ADK: variants seen among roughly 807,000 people sequenced by gnomAD.
ADK encodes N6,N6-dimethyladenosine kinase.
Under a neutral mutation model 44.7 loss-of-function variants are expected in ADK, and 24 were observed. The observed-to-expected ratio is 0.54, with a 90% CI of 0.39 to 0.76. The LOEUF (loss-of-function observed/expected upper bound fraction) is 0.76, where lower values mean the gene tolerates loss of function less well. Among genes scored for constraint, ADK ranks in the 30% least tolerant of loss-of-function variants. The pLI is 0.00. For synonymous variants in ADK, 128 were observed against 142.6 expected (o/e 0.90, Z 0.73); for missense variants, 321 against 425.1 (o/e 0.76, Z 2.15).
At chr10:74,702,190 A>ATT (rs750202264) in intron 10 of ADK, among the ~76,000 whole-genome samples, 4 of 139,578 alleles carry the variant, frequency 2.9e-5, no homozygotes, top group African/African-American at 5.2e-5. Flanking sequence ...TATTTATGTG[A>ATT]TTTTTTTTTT....
At position 74,280,867 on chromosome 10, in the gene ADK, A is replaced by G. The variant is rs1306885018; in HGVS notation, c.195-33800A>G. On this transcript the variant is annotated intron_variant, in intron 3 of 10. Transcript: ENST00000539909. ...TTTGGTTTTACTGAAAGTTTGACAC[A>G]TATTTTGAATTGTAGTTATTTTGTC... Among the ~76,000 whole-genome samples the G allele has an allele frequency of 2.0e-5, 3 of 152,194 alleles. No homozygotes were observed. The South Asian group carries it at 6.2e-4, about 32-fold the overall frequency.
At chr10:74,566,547 T>C (rs892815757) in intron 7 of ADK, among the ~76,000 whole-genome samples, 2 of 152,196 alleles carry the variant, frequency 1.3e-5, no homozygotes, top group African/African-American at 4.8e-5. Context: ...CTTATCTATT[T>C]ATGGTTTTTG....
intron 3 of ADK, among the ~76,000 whole-genome samples, chr10:74,294,892 G>C (rs1217328028): frequency 6.6e-6 from 1 of 151,908 alleles, no homozygotes; most frequent in African/African-American, 2.4e-5. Flanking sequence ...GTCTTGCTCC[G>C]TTGCTCAGGC....
chr10:74,547,452 T>A (rs879593862), intron 7 of ADK, among the ~76,000 whole-genome samples: 31 of 130,914 alleles, frequency 2.4e-4, no homozygotes, highest in African/African-American at 9.8e-4. Context: ...ATATATTTAT[T>A]TATTTATTTA....
At chr10:74,300,354 CCTTCCTTTCTTT>C (rs1839986118) in intron 3 of ADK, among the ~76,000 whole-genome samples, 6 of 66,386 alleles carry the variant, frequency 9.0e-5, no homozygotes, top group Admixed American at 1.7e-4. Context: ...TTCCTTCCTT[CCTTCCTTTCTTT>C]CTTTCTTCTT....
At chr10:74,396,916 T>C (rs145399533) in intron 5 of ADK, among the ~76,000 whole-genome samples, 2 of 151,916 alleles carry the variant, frequency 1.3e-5, no homozygotes, top group African/African-American at 4.8e-5. Context: ...GACGGAGCCA[T>C]TGCTCTTCTC....
chr10:74,151,417 C>T (rs990241395), intron 1 of ADK, 74 bp downstream of exon 1: 2 of 1,474,444 alleles, frequency 1.4e-6, no homozygotes, highest in African/African-American at 2.8e-5. Flanking sequence ...GGTTGCACGG[C>T]CCCGACGCTG....
At chr10:74,302,109 G>GT (rs1172807289) in intron 3 of ADK, among the ~76,000 whole-genome samples, 6 of 13,038 alleles carry the variant, frequency 4.6e-4, no homozygotes, top group Admixed American at 1.1e-3. Context: ...TTGTTTGTTT[G>GT]TTTTTTTTTT....
At chr10:74,214,810 G>C (rs1175188816) in intron 2 of ADK, among the ~76,000 whole-genome samples, 2 of 152,210 alleles carry the variant, frequency 1.3e-5, no homozygotes, top group Admixed American at 6.5e-5. Flanking sequence ...AGAGGGGGCA[G>C]GGATGAGTAT....
intron 6 of ADK, among the ~76,000 whole-genome samples, chr10:74,479,849 TA>T (rs1314711401): frequency 6.6e-6 from 1 of 152,180 alleles, no homozygotes; most frequent in African/African-American, 2.4e-5. Flanking sequence ...TTCTTTGTTT[TA>T]AAATTGTATT....
chr10:74,523,666 A>G (rs1486637006), intron 6 of ADK, among the ~76,000 whole-genome samples: 2 of 152,172 alleles, frequency 1.3e-5, no homozygotes, highest in Admixed American at 6.5e-5. Context: ...TATGACCACA[A>G]CTAAACACTC....
chr10:74,663,248 A>ATATAT (rs375366309), intron 9 of ADK, among the ~76,000 whole-genome samples: 1 of 140,864 alleles, frequency 7.1e-6, no homozygotes, highest in African/African-American at 2.6e-5. Context: ...AAAAAAAAAT[A>ATATAT]ATATATATAT....
intron 6 of ADK, among the ~76,000 whole-genome samples, chr10:74,438,451 C>G (rs996701630): frequency 2.0e-5 from 3 of 151,310 alleles, no homozygotes; most frequent in Non-Finnish European, 4.4e-5. Context: ...AGAGTGGTCT[C>G]GAACTCCTGA....
intron 3 of ADK, among the ~76,000 whole-genome samples, chr10:74,280,763 TA>T (rs1433657206): frequency 1.3e-5 from 2 of 152,204 alleles, no homozygotes; most frequent in African/African-American, 4.8e-5. Flanking sequence ...TTGTCACCAT[TA>T]TTTTTTTGTT....
intron 7 of ADK, among the ~76,000 whole-genome samples, chr10:74,552,287 A>G (rs1233672870): frequency 4.0e-5 from 6 of 151,492 alleles, no homozygotes; most frequent in African/African-American, 1.5e-4. Context: ...AACCTAACCA[A>G]AAAAAAAATG....
chr10:74,681,092 A>G (rs774809007), intron 10 of ADK, among the ~76,000 whole-genome samples: 31 of 152,186 alleles, frequency 2.0e-4, no homozygotes, highest in Admixed American at 5.2e-4. Flanking sequence ...CACATAAACA[A>G]TGTTACCATC....
chr10:74,652,875 T>C lies in ADK; in HGVS notation c.878-17308T>C, dbSNP rs527859685. On this transcript the variant is annotated intron_variant, in intron 9 of 10. Coordinates refer to ENST00000539909, the MANE Select transcript of ADK (RefSeq NM_006721.4). ...TTGTTGTGTTTTCTAATTTCTATGG[T>C]GTAAATACTCTCACCATGACTCACC... 2.6e-5 allele frequency among the ~76,000 whole-genome samples: 4 copies of C among 152,266 alleles called. No individual in the cohort carries two copies. In the East Asian group the frequency reaches 7.7e-4, roughly 29 times the overall value.
chr10:74,524,681 T>C (rs1848970452), intron 6 of ADK, among the ~76,000 whole-genome samples: 1 of 152,146 alleles, frequency 6.6e-6, no homozygotes, highest in Non-Finnish European at 1.5e-5. Flanking sequence ...GTGTGATTCA[T>C]TGTACCCAGC....
intron 7 of ADK, among the ~76,000 whole-genome samples, chr10:74,553,349 C>T (rs1446440511): frequency 6.6e-6 from 1 of 151,828 alleles, no homozygotes; most frequent in East Asian, 1.9e-4. Context: ...TAGAGGCACG[C>T]ACCACGACAC....
Sources: gnomAD v4.1 joint callset for allele counts (sites outside exome capture counted in the v4.1 genomes callset) on GRCh38, gnomAD v4.1.1 for gene constraint, MANE v1.5 for transcripts, NCBI Gene and HGNC (gene_info 2026-07-23, HGNC 2026-07-21) for gene names.